Variants in ACAP2 observed in about 807,000 individuals in gnomAD.
ACAP2 encodes the protein arf-GAP with coiled-coil, ANK repeat and PH domain-containing protein 2.
In ACAP2, 39 loss-of-function variants were observed where a neutral mutation model predicts 115.8. The ratio of observed to expected loss-of-function variants is 0.34; its 90% CI spans 0.26 to 0.44. The LOEUF (loss-of-function observed/expected upper bound fraction) is 0.44, where lower values mean the gene tolerates loss of function less well. Ranked by LOEUF, ACAP2 falls within the 20% of genes least tolerant of loss-of-function variation. The pLI, the probability that ACAP2 is intolerant of heterozygous loss-of-function variation, is 1.00. For missense variants in ACAP2, 662 were observed against 927.6 expected (o/e 0.71, Z 3.72); for synonymous variants, 289 against 315.8 (o/e 0.92, Z 0.90).
At chr3:195,432,559 TATGCCA>T (rs1292851353) in intron 1 of ACAP2, among the ~76,000 whole-genome samples, 2 of 152,264 alleles carry the variant, frequency 1.3e-5, no homozygotes, top group Non-Finnish European at 2.9e-5. Flanking sequence ...TGTCTATCCT[TATGCCA>T]GTACTACACC....
At chr3:195,401,449 G>T (rs1328492059) in intron 1 of ACAP2, among the ~76,000 whole-genome samples, 1 of 152,128 alleles carries the variant, frequency 6.6e-6, no homozygotes, top group Non-Finnish European at 1.5e-5. Flanking sequence ...TGGATCTCTT[G>T]AGGTCAGGAG....
At chr3:195,383,304 T>A (rs73893622) in intron 2 of ACAP2, among the ~76,000 whole-genome samples, 3,537 of 145,704 alleles carry the variant, frequency 0.024, 137 homozygotes, top group African/African-American at 0.081. Context: ...AGATAGTAAA[T>A]AAAAGTCTGG....
chr3:195,352,636 G>A (rs1019189571), intron 4 of ACAP2, among the ~76,000 whole-genome samples: 11 of 152,170 alleles, frequency 7.2e-5, no homozygotes, highest in Admixed American at 1.3e-4. Flanking sequence ...AGTCCATTGC[G>A]GTAGCTTTAA....
At chr3:195,303,084 C>T (rs1418092495) in intron 13 of ACAP2, among the ~76,000 whole-genome samples, 3 of 152,066 alleles carry the variant, frequency 2.0e-5, no homozygotes, top group Admixed American at 1.3e-4. Context: ...GGCGTGGTGG[C>T]GCACACCTGT....
In ACAP2 at chr3:195,420,388, T is replaced by G. The variant is rs570618062; in HGVS notation, c.53+22407A>C. Among the ~76,000 whole-genome samples the G allele has an allele frequency of 5.9e-5, 9 of 152,070 alleles. 1 individual carries two copies. The highest frequency in any genetic ancestry group is 4.1e-4 in the South Asian group (2 of 4,822). On this transcript the variant is annotated intron_variant, in intron 1 of 22. Coordinates refer to ENST00000326793, the MANE Select transcript of ACAP2 (RefSeq NM_012287.6). ...TTTTGAGACGGAGTCTCACTCTGTC[T>G]CCCAGGCTGGAGTGCAGTGGCGCAA...
rs3836379 is a variant in ACAP2, at chr3:195,297,290, C to CAA, written c.1396-11_1396-10dup. The CAA allele has an allele frequency of 4.1e-3, 6,361 of 1,549,056 alleles. 8 individuals carry two copies. The highest frequency in any genetic ancestry group is 4.6e-3 in the Non-Finnish European group (5,223 of 1,142,794). ...CCCAACTCACACATAAGCTGTTTGG[C>CAA]AAAAAAAAATAGAAAAATAAGCTAT... On this transcript the variant is annotated splice_polypyrimidine_tract_variant and intron_variant, in intron 15 of 22. Coordinates refer to ENST00000326793, the MANE Select transcript of ACAP2 (RefSeq NM_012287.6).
intron 1 of ACAP2, among the ~76,000 whole-genome samples, chr3:195,424,640 C>G (rs745660308): frequency 8.6e-5 from 13 of 151,644 alleles, no homozygotes; most frequent in Admixed American, 1.3e-4. Flanking sequence ...ATTTTAAGAC[C>G]AGGTGCGGTG....
intron 12 of ACAP2, 75 bp downstream of exon 12, chr3:195,307,148 C>A (rs1728476775): frequency 8.3e-7 from 1 of 1,207,846 alleles, no homozygotes; most frequent in East Asian, 2.4e-5. Context: ...ATGCAAATTT[C>A]TCTACTCTGG....
At chr3:195,324,300 T>C (rs1729634419) in intron 9 of ACAP2, among the ~76,000 whole-genome samples, 1 of 152,138 alleles carries the variant, frequency 6.6e-6, no homozygotes, top group Non-Finnish European at 1.5e-5. Flanking sequence ...GAAACTGAAA[T>C]GGGCCTCACA....
At chr3:195,424,903 G>A (rs1305947374) in intron 1 of ACAP2, among the ~76,000 whole-genome samples, 4 of 118,344 alleles carry the variant, frequency 3.4e-5, no homozygotes, top group Admixed American at 3.2e-4. Flanking sequence ...GTGATAGAGT[G>A]AGACCCTGTC....
chr3:195,334,295 G>C (rs1260071297), intron 7 of ACAP2, among the ~76,000 whole-genome samples: 1 of 149,778 alleles, frequency 6.7e-6, no homozygotes, highest in Non-Finnish European at 1.5e-5. Context: ...TCTGGAATTA[G>C]ATAATAGTGA....
In ACAP2 at chr3:195,404,641, A is replaced by G. The variant is rs1282333282; in HGVS notation, c.54-12494T>C. ...TTTTCTTTCTCAGAAGGCTGAGGCAAAAGTTATATTGCCATATATACACAC... is the reference window on the plus strand; with the variant it reads ...TTTTCTTTCTCAGAAGGCTGAGGCAGAAGTTATATTGCCATATATACACAC... On this transcript the variant is annotated intron_variant, in intron 1 of 22. Transcript: ENST00000326793. 2.0e-5 allele frequency among the ~76,000 whole-genome samples: 3 copies of G among 151,780 alleles called. No individual in the cohort carries two copies. In the East Asian group the frequency reaches 5.8e-4, roughly 29 times the overall value.
intron 1 of ACAP2, 148 bp downstream of exon 1, chr3:195,442,647 T>C (rs1271205278): frequency 1.2e-6 from 1 of 804,948 alleles, no homozygotes; most frequent in Non-Finnish European, 1.9e-6. Flanking sequence ...TGCAGTGCCC[T>C]CGCAGGGTGG....
At chr3:195,431,430 A>T (rs1384215909) in intron 1 of ACAP2, among the ~76,000 whole-genome samples, 1 of 151,432 alleles carries the variant, frequency 6.6e-6, no homozygotes, top group East Asian at 1.9e-4. Flanking sequence ...TGGTAACTCT[A>T]TGTTTAACTT....
chr3:195,296,783 T>G (rs1039335176), intron 16 of ACAP2, among the ~76,000 whole-genome samples: 1 of 152,188 alleles, frequency 6.6e-6, no homozygotes, highest in Non-Finnish European at 1.5e-5. Flanking sequence ...GCATAAACTA[T>G]GTGATTAACA....
At chr3:195,297,331 A>C (rs1284156240) in intron 15 of ACAP2, 50 bp from the exon 16 acceptor site, 5 of 1,486,454 alleles carry the variant, frequency 3.4e-6, no homozygotes, top group Non-Finnish European at 4.6e-6. Flanking sequence ...AAAGACCTTA[A>C]AATAAGCTAA....
At position 195,294,727 on chromosome 3, in the gene ACAP2, T is replaced by C; in HGVS notation, c.1757A>G (p.Tyr586Cys). The C allele has an allele frequency of 6.2e-7, 1 of 1,600,414 alleles. No individual in the cohort carries two copies. The highest frequency in any genetic ancestry group is 8.5e-7 in the Non-Finnish European group (1 of 1,170,586). The change falls in exon 18 of 23, where the codon TAT becomes TGT. Residue 586 changes from tyrosine (Y) to cysteine (C), a missense_variant. Physicochemically the swap from Tyr to Cys is radical, Grantham distance 194. This residue lies in a region of ACAP2 where 133 missense variants were observed against 123.1 expected (regional missense o/e 1.08). Coordinates refer to ENST00000326793, the MANE Select transcript of ACAP2 (RefSeq NM_012287.6). ...GTTTCATCAGAACTCACCAGGCTCA[T>C]ATAAACTATTGGCTGACACCGTGGA... ...LPSTVSANSL[Y>C]EPEGERQDSS...
Position 195,342,613 on chromosome 3 carries a change from T to C in ACAP2, c.386A>G (p.Lys129Arg). ...KFKDAKKQFE[K>R]VSEEKENALV... ...CGCATTTTCTTTTTCTTCACTGACT[T>C]TTTCGAATTGCTTCTTGGCATCTTT... is the stretch of plus-strand genomic sequence containing the variant. The change falls in exon 6 of 23, where the codon AAA becomes AGA. Residue 129 changes from lysine (K) to arginine (R), a missense_variant. By Grantham distance (26) the Lys-to-Arg change is conservative. This residue lies in a region of ACAP2 where 401 missense variants were observed against 604.4 expected (regional missense o/e 0.66). Transcript: ENST00000326793. 6.2e-7 allele frequency: 1 copy of C among 1,606,752 alleles called. No homozygotes were observed. Among genetic ancestry groups the C allele is most frequent in the Non-Finnish European group, 8.5e-7 (1 of 1,178,204 alleles).
At chr3:195,287,458 A>G (rs1726918577) in intron 21 of ACAP2, among the ~76,000 whole-genome samples, 1 of 151,542 alleles carries the variant, frequency 6.6e-6, no homozygotes, top group East Asian at 1.9e-4. Flanking sequence ...AGCTACGACT[A>G]CACGCATGTG....
Sources: gnomAD v4.1 joint callset for allele counts (sites outside exome capture counted in the v4.1 genomes callset) on GRCh38, gnomAD v4.1.1 for gene constraint, gnomAD v4.1.1 regional missense constraint, MANE v1.5 for transcripts, NCBI Gene and HGNC (gene_info 2026-07-23, HGNC 2026-07-21) for gene names.